The following ABCA13 variants were observed in gnomAD, a reference collection of about 807,000 sequenced individuals.
The protein encoded by ABCA13 is ATP binding cassette subfamily A member 13, also known as ATP-binding cassette sub-family A member 13.
Under a neutral mutation model 478.7 loss-of-function variants are expected in ABCA13, and 476 were observed. The observed-to-expected ratio is 0.99, with a 90% CI of 0.92 to 1.07. The LOEUF is 1.07. Among genes scored for constraint, ABCA13 ranks in the 50% least tolerant of loss-of-function variants. ABCA13 has a pLI of 0.00. For missense variants in ABCA13, 6,060 were observed against 5,910.6 expected, an observed-to-expected ratio of 1.03 and a Z score of -0.83; for synonymous variants, 2,252 against 2,158.9, an observed-to-expected ratio of 1.04 and a Z score of -1.20.
intron 35 of ABCA13, among the ~76,000 whole-genome samples, chr7:48,382,545 A>G (rs1444586713): frequency 6.6e-6 from 1 of 152,162 alleles, no homozygotes; most frequent in Non-Finnish European, 1.5e-5. Flanking sequence ...ACTACAAATA[A>G]TTTGGGGGAC....
rs1025170731 is a variant in ABCA13 at position 48,476,953 on chromosome 7, A to G, written c.12976-4083A>G. Among the ~76,000 whole-genome samples the G allele has an allele frequency of 3.9e-5, 6 of 152,284 alleles. No individual in the cohort carries two copies. In the South Asian group the frequency reaches 1.2e-3, roughly 32 times the overall value. Reference sequence around the variant, plus strand: ...AAGGGAAAGGATAAAACATTTTAAAATGTTGTTTGAGGCTAAACTGCTAAG... The same window carrying G: ...AAGGGAAAGGATAAAACATTTTAAAGTGTTGTTTGAGGCTAAACTGCTAAG... On this transcript the variant is annotated intron_variant, in intron 45 of 61. Transcript: ENST00000435803.
At chr7:48,525,854 C>A (rs1264648520) in intron 54 of ABCA13, among the ~76,000 whole-genome samples, 2 of 151,948 alleles carry the variant, frequency 1.3e-5, no homozygotes, top group African/African-American at 4.8e-5. Context: ...GGTATTAAAT[C>A]CCACATGCAT....
At position 48,245,947 on chromosome 7, in the gene ABCA13, G is replaced by C. The variant is rs751817742; in HGVS notation, c.1576G>C (p.Gly526Arg). The change falls in exon 13 of 62, where the codon GGT becomes CGT. Residue 526 changes from glycine (G) to arginine (R), a missense_variant. Gly to Arg is a moderately radical substitution (Grantham distance 125). Transcript: ENST00000435803. ...FLPPGNSSIW[G>R]GLQGLLCYCN... ...GCCGCCTGGAAACTCCAGCATATGG[G>C]GTGGTCTCCAGGGACTGTTGTGCTA... The C allele has an allele frequency of 4.3e-6, 7 of 1,613,746 alleles. No homozygotes were observed. The South Asian group carries it at 7.7e-5, about 18-fold the overall frequency.
chr7:48,350,892 C>A (rs565754102), intron 30 of ABCA13, 73 bp downstream of exon 30: 28 of 1,462,298 alleles, frequency 1.9e-5, no homozygotes, highest in Non-Finnish European at 2.6e-5. Context: ...GAGTTTCTCC[C>A]TAAAGGTGTC....
At chr7:48,207,605 G>C (rs1785093650) in intron 3 of ABCA13, among the ~76,000 whole-genome samples, 1 of 152,086 alleles carries the variant, frequency 6.6e-6, no homozygotes, top group South Asian at 2.1e-4. Context: ...CTTCTTTTGA[G>C]AAATGTCTAT....
chr7:48,492,941 G>C (rs866890988), intron 48 of ABCA13, among the ~76,000 whole-genome samples: 15 of 152,158 alleles, frequency 9.9e-5, no homozygotes, highest in Admixed American at 5.2e-4. Context: ...CAGGAGAATT[G>C]CTTGAACCCG....
At chr7:48,190,497 T>C (rs963744099) in intron 1 of ABCA13, among the ~76,000 whole-genome samples, 1 of 152,190 alleles carries the variant, frequency 6.6e-6, no homozygotes, top group Non-Finnish European at 1.5e-5. Flanking sequence ...TTTTCCCAGT[T>C]GTAATATTTC....
At chr7:48,506,145 A>G (rs566168340) in intron 48 of ABCA13, among the ~76,000 whole-genome samples, 191 bp from the exon 49 acceptor site, 1 of 152,360 alleles carries the variant, frequency 6.6e-6, no homozygotes, top group East Asian at 1.9e-4. Context: ...CAGCAATGAC[A>G]GAAATCCCAG....
chr7:48,188,211 C>T (rs1218816895), intron 1 of ABCA13, among the ~76,000 whole-genome samples: 2 of 152,180 alleles, frequency 1.3e-5, no homozygotes, highest in African/African-American at 2.4e-5. Context: ...CCGTGCTCTC[C>T]TATGAAAAAT....
At chr7:48,311,856 A>T (rs908102713) in intron 24 of ABCA13, among the ~76,000 whole-genome samples, 1 of 152,178 alleles carries the variant, frequency 6.6e-6, no homozygotes, top group Non-Finnish European at 1.5e-5. Context: ...CTGACAATGA[A>T]TTTCTGAAGC....
At chr7:48,535,352 G>C (rs901076223) in intron 55 of ABCA13, among the ~76,000 whole-genome samples, 2 of 152,172 alleles carry the variant, frequency 1.3e-5, no homozygotes, top group African/African-American at 4.8e-5. Flanking sequence ...AGAGTCCTGT[G>C]ATGTGATCCA....
Position 48,249,252 on chromosome 7 carries a change from C to T in ABCA13, c.1906C>T (p.Gln636Ter). 1.9e-6 allele frequency: 3 copies of T among 1,612,554 alleles called. No homozygotes were observed. The highest frequency in any genetic ancestry group is 2.5e-6 in the Non-Finnish European group (3 of 1,179,150). ...TLEKTQFFLEQAYYWKAFKKF... is the reference protein window; with the variant it reads ...TLEKTQFFLE Reference sequence around the variant, plus strand: ...TGAAAAAACACAATTTTTCCTGGAACAAGCATATTATTGGAAAGCCTTCAA... The same window carrying T: ...TGAAAAAACACAATTTTTCCTGGAATAAGCATATTATTGGAAAGCCTTCAA... Residue 636 changes from glutamine (Q) to a stop codon, truncating the protein, a stop_gained, in exon 15 of 62, where the codon CAA becomes TAA. Transcript: ENST00000435803. LOFTEE classifies it high-confidence loss of function.
intron 24 of ABCA13, 98 bp from the exon 25 acceptor site, chr7:48,312,969 A>G: frequency 7.7e-7 from 1 of 1,290,350 alleles, no homozygotes; most frequent in Non-Finnish European, 1.0e-6. Flanking sequence ...AGAGAATAAA[A>G]TCAGATAAAC....
chr7:48,422,069 A>AG (rs1820830133), intron 41 of ABCA13, among the ~76,000 whole-genome samples: 3 of 141,252 alleles, frequency 2.1e-5, no homozygotes, highest in Non-Finnish European at 4.5e-5. Flanking sequence ...AAAAAAAAAA[A>AG]AAAAAAAAAA....
chr7:48,596,885 T>C (rs561028891), intron 58 of ABCA13, among the ~76,000 whole-genome samples: 1 of 152,292 alleles, frequency 6.6e-6, no homozygotes, highest in East Asian at 1.9e-4. Flanking sequence ...AAATTTGCTT[T>C]ATATGGATAT....
Position 48,248,255 on chromosome 7 carries a change from A to G in ABCA13, c.1676A>G (p.Glu559Gly). Reference sequence around the variant, plus strand: ...CTTGTTAAGGATCGTATTTTGCAAGAGGTCATTACTTGGCACAAAAATATG... The same window carrying G: ...CTTGTTAAGGATCGTATTTTGCAAGGGGTCATTACTTGGCACAAAAATATG... The part of the protein sequence containing the change: ...SVEDADRILQ[E>G]VITWHKNMSV... Residue 559 changes from glutamate to glycine, a missense_variant, in exon 14 of 62, where the codon GAG (glutamate) becomes GGG (glycine). Physicochemically the swap from Glu to Gly is moderately conservative, Grantham distance 98. Around this residue, in one of 3 missense-constraint regions of ABCA13, gnomAD observed 4,423 missense variants for 4,309.1 expected, o/e 1.03. Transcript: ENST00000435803. The G allele has an allele frequency of 6.2e-7, 1 of 1,613,170 alleles. No homozygotes were observed. The highest frequency in any genetic ancestry group is 8.5e-7 in the Non-Finnish European group (1 of 1,179,392).
chr7:48,561,846 G>T (rs1372484796), intron 55 of ABCA13, among the ~76,000 whole-genome samples: 1 of 151,340 alleles, frequency 6.6e-6, no homozygotes, highest in African/African-American at 2.4e-5. Flanking sequence ...TTTTTCCTAC[G>T]AATGTTATAG....
chr7:48,618,755 G>C (rs1309681606), intron 59 of ABCA13, among the ~76,000 whole-genome samples: 1 of 152,190 alleles, frequency 6.6e-6, no homozygotes, highest in Non-Finnish European at 1.5e-5. Context: ...GGGGTGACTG[G>C]GGGAGGTGGA....
intron 41 of ABCA13, among the ~76,000 whole-genome samples, chr7:48,419,994 A>T (rs1375822689): frequency 2.6e-5 from 4 of 152,194 alleles, no homozygotes; most frequent in Non-Finnish European, 4.4e-5. Context: ...TAGAGGCTAT[A>T]AAATGTCTGT....
Sources: gnomAD v4.1 joint callset for allele counts (sites outside exome capture counted in the v4.1 genomes callset) on GRCh38, gnomAD v4.1.1 for gene constraint, gnomAD v4.1.1 regional missense constraint, MANE v1.5 for transcripts, NCBI Gene and HGNC (gene_info 2026-07-23, HGNC 2026-07-21) for gene names.